The following SYCP2L variants were observed in gnomAD, a reference collection of about 807,000 sequenced individuals.
The protein encoded by SYCP2L is synaptonemal complex protein 2-like.
A neutral mutation model predicts 125.8 loss-of-function variants in SYCP2L; 98 were observed. The observed-to-expected ratio is 0.78, with a 90% CI of 0.66 to 0.92. The LOEUF (loss-of-function observed/expected upper bound fraction) is 0.92. Ranked by LOEUF, SYCP2L falls within the 40% of genes least tolerant of loss-of-function variation. SYCP2L has a pLI of 0.00. For missense variants in SYCP2L, 842 were observed against 936.4 expected, an observed-to-expected ratio of 0.90 and a Z score of 1.32; for synonymous variants, 317 against 325.4, an observed-to-expected ratio of 0.97 and a Z score of 0.28.
chr6:10,887,230 G>A, intron 1 of SYCP2L, 95 bp downstream of exon 1: 1 of 1,553,608 alleles, frequency 6.4e-7, no homozygotes. Context: ...CCGCCTTGAG[G>A]TGTTCGCTCA....
chr6:10,901,437 A>G (rs1436581383), intron 6 of SYCP2L, among the ~76,000 whole-genome samples: 1 of 152,112 alleles, frequency 6.6e-6, no homozygotes, highest in Non-Finnish European at 1.5e-5. Flanking sequence ...TTTATTTTAC[A>G]TGGTTCTTGG....
At chr6:10,964,817 C>T (rs1481150419) in intron 29 of SYCP2L, among the ~76,000 whole-genome samples, 1 of 152,148 alleles carries the variant, frequency 6.6e-6, no homozygotes, top group African/African-American at 2.4e-5. Flanking sequence ...GCTTAAGACA[C>T]TTCAAGGTCT....
intron 9 of SYCP2L, among the ~76,000 whole-genome samples, 164 bp downstream of exon 9, chr6:10,906,218 T>G (rs1780485798): frequency 6.6e-6 from 1 of 152,112 alleles, no homozygotes; most frequent in African/African-American, 2.4e-5. Context: ...CTGGAAACTG[T>G]AAAGAATAAT....
intron 15 of SYCP2L, among the ~76,000 whole-genome samples, chr6:10,925,709 A>G (rs958023370): frequency 6.6e-6 from 1 of 152,188 alleles, no homozygotes; most frequent in African/African-American, 2.4e-5. Flanking sequence ...TATTTTAATG[A>G]CATGGTCTTT....
At chr6:10,901,636 C>T (rs1042564436) in intron 6 of SYCP2L, among the ~76,000 whole-genome samples, 5 of 152,220 alleles carry the variant, frequency 3.3e-5, no homozygotes, top group East Asian at 1.9e-4. Flanking sequence ...TAGATGCCAA[C>T]AGCATCCATC....
intron 4 of SYCP2L, among the ~76,000 whole-genome samples, chr6:10,897,287 A>C (rs113058324): frequency 6.6e-6 from 1 of 152,226 alleles, no homozygotes; most frequent in Non-Finnish European, 1.5e-5. Flanking sequence ...AGGCATATTT[A>C]CTATAATCAA....
At chr6:10,947,546 A>G (rs1781336468) in intron 23 of SYCP2L, among the ~76,000 whole-genome samples, 1 of 152,014 alleles carries the variant, frequency 6.6e-6, no homozygotes, top group African/African-American at 2.4e-5. Flanking sequence ...CTATTGTTTT[A>G]AAATTTGTTA....
rs768804195 is a variant in SYCP2L at position 10,955,118 on chromosome 6, A to G, written c.1957A>G (p.Ile653Val). The G allele has an allele frequency of 9.3e-6, 15 of 1,609,292 alleles. No homozygotes were observed. The highest frequency in any genetic ancestry group is 1.3e-5 in the Non-Finnish European group (15 of 1,175,750). ...AAATGTGCTCTGTTTGCCTGTAGAC[A>G]TACCAGAAGGTAGTTTTGCTAAGTC... ...HKLRNLEDKD[I>V]PEGSFAKSQQ... Residue 653 changes from isoleucine (I) to valine (V), a missense_variant and splice_region_variant, in exon 24 of 30, where the codon ATA becomes GTA. Coordinates refer to ENST00000283141, the MANE Select transcript of SYCP2L (RefSeq NM_001040274.3).
Position 10,922,492 on chromosome 6 carries a change from G to A in SYCP2L, c.1073-2004G>A, listed in dbSNP as rs1156953809. Among the ~76,000 whole-genome samples the A allele has an allele frequency of 2.1e-5, 3 of 144,802 alleles. No homozygotes were observed. The South Asian group carries it at 6.6e-4, about 32-fold the overall frequency. The allele number at this position is 144,802 out of a possible 152,430, so 95.0% of individuals were successfully genotyped here. ...TTTTTTTTTTTTTTTTTGAGACGAAGTCTCACTCTGTCGTCCAGGCTGGAG... is the reference window on the plus strand; with the variant it reads ...TTTTTTTTTTTTTTTTTGAGACGAAATCTCACTCTGTCGTCCAGGCTGGAG... On this transcript the variant is annotated intron_variant, in intron 14 of 29. Transcript: ENST00000283141.
chr6:10,946,756 G>T (rs1005869789), intron 23 of SYCP2L, among the ~76,000 whole-genome samples: 5 of 151,170 alleles, frequency 3.3e-5, no homozygotes, highest in Non-Finnish European at 7.4e-5. Context: ...ATATATATAT[G>T]ATTTTTTCCA....
chr6:10,957,853 G>A (rs1489596928), intron 25 of SYCP2L, among the ~76,000 whole-genome samples: 3 of 152,170 alleles, frequency 2.0e-5, no homozygotes, highest in East Asian at 3.9e-4. Flanking sequence ...AGACAAAGAC[G>A]GAGGTGGACT....
At chr6:10,917,977 A>G (rs370213537) in intron 14 of SYCP2L, among the ~76,000 whole-genome samples, 5 of 152,084 alleles carry the variant, frequency 3.3e-5, no homozygotes, top group African/African-American at 9.6e-5. Context: ...TAGGGCCCCA[A>G]TCCCTTCTAG....
At chr6:10,918,300 A>ATT (rs1282191916) in intron 14 of SYCP2L, among the ~76,000 whole-genome samples, 1 of 151,100 alleles carries the variant, frequency 6.6e-6, no homozygotes, top group African/African-American at 2.4e-5. Flanking sequence ...TGCTTCTTGT[A>ATT]TTTGGATGTC....
At chr6:10,895,960 C>A (rs1265320805) in intron 4 of SYCP2L, among the ~76,000 whole-genome samples, 1 of 152,126 alleles carries the variant, frequency 6.6e-6, no homozygotes, top group Non-Finnish European at 1.5e-5. Flanking sequence ...CAAGACCAGC[C>A]TTGCCAACAT....
rs1554104150 is a variant in SYCP2L at position 10,891,659 on chromosome 6, G to GTGTA, written c.78+81_78+82insATGT. 1.4e-5 allele frequency: 10 copies of GTGTA among 690,568 alleles called. No individual in the cohort carries two copies. The East Asian group carries it at 2.5e-4, about 17-fold the overall frequency. 42.8% of individuals were successfully genotyped at this position (690,568 alleles called of 1,614,324 possible). On this transcript the variant is annotated intron_variant, in intron 2 of 29. Coordinates refer to ENST00000283141, the MANE Select transcript of SYCP2L (RefSeq NM_001040274.3). Reference sequence around the variant, plus strand: ...TGTGTGTGTGTGTGTGTGTGTGTGTGTGTGTATGTGTATATGAGTGTATGT... The same window carrying GTGTA: ...TGTGTGTGTGTGTGTGTGTGTGTGTGTGTATGTGTATGTGTATATGAGTGTATGT...
intron 14 of SYCP2L, chr6:10,922,765 C>G (rs575793693): frequency 3.3e-5 from 5 of 152,130 alleles, no homozygotes; most frequent in African/African-American, 9.6e-5. Context: ...TTACTCTAGA[C>G]CAGCACTGTC....
chr6:10,891,663 G>GTATATGAGTGTATGTATTCTTTCTAGT, intron 2 of SYCP2L, 82 bp downstream of exon 2: 1 of 818,728 alleles, frequency 1.2e-6, no homozygotes, highest in Non-Finnish European at 1.9e-6. Flanking sequence ...GTGTGTGTGT[G>GTATATGAGTGTATGTATTCTTTCTAGT]TATGTGTATA....
At chr6:10,973,318 A>T (rs1781807351) in intron 29 of SYCP2L, among the ~76,000 whole-genome samples, 3 of 152,172 alleles carry the variant, frequency 2.0e-5, no homozygotes. Flanking sequence ...GGATCACCTG[A>T]GGTGAGGAGT....
Position 10,942,713 on chromosome 6 carries a change from T to C in SYCP2L, c.1921T>C (p.Leu641=). Residue 641 remains leucine (L), a synonymous_variant, in exon 23 of 30, where the codon TTG becomes CTG. Coordinates refer to ENST00000283141, the MANE Select transcript of SYCP2L (RefSeq NM_001040274.3). ...NQESLTESTS[L]KHKLRNLEDK... is the part of the protein sequence containing the mutation. ...AGAATCACTAACAGAAAGTACTAGC[T>C]TGAAACATAAGCTGAGAAACTTGGA... 1 of 1,613,692 alleles carries C rather than the reference T, an allele frequency of 6.2e-7. No homozygotes were observed. The highest frequency in any genetic ancestry group is 8.5e-7 in the Non-Finnish European group (1 of 1,179,902).
Sources: allele counts gnomAD v4.1 joint callset (sites outside exome capture counted in the v4.1 genomes callset), GRCh38; gene constraint gnomAD v4.1.1; transcripts MANE v1.5; gene names NCBI Gene and HGNC (gene_info 2026-07-23, HGNC 2026-07-21).